Variants in P2RY8 observed in about 807,000 individuals in gnomAD.
P2RY8 encodes the protein P2Y receptor family member 8, also known as S-geranylgeranyl-glutathione receptor P2RY8.
P2RY8 carries 6 observed loss-of-function variants against 10.0 expected under a neutral mutation model. The ratio of observed to expected loss-of-function variants is 0.60; its 90% CI spans 0.33 to 1.19. The LOEUF is 1.19. Among genes scored for constraint, P2RY8 ranks in the 50% most tolerant of loss-of-function variants. P2RY8 has a pLI of 0.04. For missense variants in P2RY8, 456 were observed against 542.0 expected (o/e 0.84, Z 1.58); for synonymous variants, 276 against 252.5 (o/e 1.09, Z -0.88).
intron 1 of P2RY8, among the ~76,000 whole-genome samples, chrX:1,477,832 G>A (rs1417249443): frequency 1.3e-5 from 2 of 152,174 alleles, no homozygotes; most frequent in South Asian, 2.1e-4. Context: ...TCCAAAGAAT[G>A]TCTGCAAGAG....
intron 1 of P2RY8, among the ~76,000 whole-genome samples, chrX:1,513,283 G>C (rs1340268512): frequency 6.6e-6 from 1 of 151,310 alleles, no homozygotes; most frequent in Non-Finnish European, 1.5e-5. Context: ...ATGGGCATTT[G>C]GATTGGTCCC....
Position 1,464,599 on chromosome X carries a change from G to A in P2RY8, c.*880C>T. 1 of 233,410 alleles carries A rather than the reference G, an allele frequency of 4.3e-6. No homozygotes were observed. Among genetic ancestry groups the A allele is most frequent in the African/African-American group, 2.2e-5 (1 of 45,466 alleles). The allele number at this position is 233,410 out of a possible 1,614,324, so 14.5% of individuals were successfully genotyped here. A position where few individuals can be genotyped will look rare whatever the true frequency, so the allele number is the denominator to read the frequency against. Reference sequence around the variant, plus strand: ...GGGATGGGCTGGACCCCATCTCACGGAGCCTCCTTTCCGCACCTGGGCCTC... The same window carrying A: ...GGGATGGGCTGGACCCCATCTCACGAAGCCTCCTTTCCGCACCTGGGCCTC... On this transcript the variant is annotated 3_prime_UTR_variant, in exon 2 of 2. Transcript: ENST00000381297.
chrX:1,477,854 G>C (rs1315722929), intron 1 of P2RY8, among the ~76,000 whole-genome samples: 1 of 152,208 alleles, frequency 6.6e-6, no homozygotes, highest in Non-Finnish European at 1.5e-5. Flanking sequence ...CTTTCGGGGA[G>C]AGAAAAGACC....
chrX:1,473,336 G>A (rs193283029), intron 1 of P2RY8, among the ~76,000 whole-genome samples: 1 of 143,316 alleles, frequency 7.0e-6, no homozygotes, highest in African/African-American at 2.6e-5. Context: ...ATGGATGCAT[G>A]GGTGGATGAA....
In P2RY8 at chrX:1,524,349, TCATCCATC is replaced by T. The variant is rs201531685; in HGVS notation, c.-25+12564_-25+12571del. Among the ~76,000 whole-genome samples the T allele has an allele frequency of 1.3e-4, 17 of 130,872 alleles. 1 individual carries two copies. The highest frequency in any genetic ancestry group is 4.5e-4 in the African/African-American group (15 of 33,612). 85.9% of individuals were successfully genotyped at this position (130,872 alleles called of 152,430 possible). On this transcript the variant is annotated intron_variant, in intron 1 of 1. Transcript: ENST00000381297. ...CTCATCCATCCATGCATCCATCCAT[TCATCCATC>T]CATCCATCCATCCACTCATCCATCC... is the stretch of plus-strand genomic sequence containing the variant.
chrX:1,496,494 A>G (rs5989763), intron 1 of P2RY8, among the ~76,000 whole-genome samples: 74,401 of 151,522 alleles, frequency 0.49, 18,754 homozygotes, highest in East Asian at 0.62. Flanking sequence ...CGCTCAGTTC[A>G]CAGGAAGCAA....
chrX:1,508,120 A>G (rs1265411441), intron 1 of P2RY8, among the ~76,000 whole-genome samples: 2 of 152,186 alleles, frequency 1.3e-5, no homozygotes, highest in Admixed American at 6.5e-5. Context: ...AGGTCACATA[A>G]GATTCCTCAC....
chrX:1,483,625 A>G (rs5989748), intron 1 of P2RY8, among the ~76,000 whole-genome samples: 12,821 of 151,700 alleles, frequency 0.085, 952 homozygotes, highest in African/African-American at 0.2. Flanking sequence ...CAAGAACAAA[A>G]CTTTGTCTAA....
chrX:1,535,418 C>G (rs1404702623), intron 1 of P2RY8, among the ~76,000 whole-genome samples: 1 of 151,666 alleles, frequency 6.6e-6, no homozygotes, highest in Non-Finnish European at 1.5e-5. Context: ...AAACCCCTGA[C>G]CTCAAGTGAT....
At chrX:1,479,649 C>G (rs1480493400) in intron 1 of P2RY8, among the ~76,000 whole-genome samples, 17 of 152,028 alleles carry the variant, frequency 1.1e-4, no homozygotes, top group African/African-American at 4.1e-4. Flanking sequence ...CCATAGAGGA[C>G]AGAAATCAGT....
intron 1 of P2RY8, among the ~76,000 whole-genome samples, chrX:1,487,060 C>T (rs1382537610): frequency 4.6e-5 from 7 of 152,208 alleles, no homozygotes; most frequent in Non-Finnish European, 7.3e-5. Context: ...TGTCTGGGGC[C>T]GGCTGCGCAA....
At chrX:1,487,877 G>A (rs867877990) in intron 1 of P2RY8, among the ~76,000 whole-genome samples, 2 of 152,146 alleles carry the variant, frequency 1.3e-5, no homozygotes, top group South Asian at 2.1e-4. Context: ...TTGGGAGGCC[G>A]AGGCGGGTGG....
At chrX:1,469,469 G>T (rs2091754386) in intron 1 of P2RY8, among the ~76,000 whole-genome samples, 2 of 151,980 alleles carry the variant, frequency 1.3e-5, no homozygotes, top group Admixed American at 6.6e-5. Context: ...ACCTGGCCAG[G>T]TTGGACCCTT....
chrX:1,501,931 G>C (rs2092184595), intron 1 of P2RY8, among the ~76,000 whole-genome samples: 2 of 150,644 alleles, frequency 1.3e-5, no homozygotes, highest in Admixed American at 1.3e-4. Context: ...TATTTTTTGA[G>C]ACGAAATCTC....
chrX:1,467,947 G>A lies in P2RY8; in HGVS notation c.-24-1365C>T, dbSNP rs1378531889. Among the ~76,000 whole-genome samples, 163 of 151,468 alleles carry A rather than the reference G, an allele frequency of 1.1e-3. 1 individual carries two copies. Among genetic ancestry groups the A allele is most frequent in the Non-Finnish European group, 1.9e-3 (126 of 67,884 alleles). ...TCCTGCCTCAGCCTCCTGAGTAGCT[G>A]GGACTACAGGTGACAGTACCTCCGT... On this transcript the variant is annotated intron_variant, in intron 1 of 1. Transcript: ENST00000381297.
chrX:1,485,658 T>A (rs1257090435), intron 1 of P2RY8, among the ~76,000 whole-genome samples: 1 of 148,026 alleles, frequency 6.8e-6, no homozygotes, highest in Non-Finnish European at 1.5e-5. Flanking sequence ...ATATATATTA[T>A]TGTTATATAA....
intron 1 of P2RY8, among the ~76,000 whole-genome samples, chrX:1,468,319 G>A (rs28391357): frequency 0.58 from 88,247 of 151,982 alleles, 25,827 homozygotes; most frequent in African/African-American, 0.6. Context: ...AAGTCCTACG[G>A]TGGCGGCCTC....
At chrX:1,523,849 AATTTTGT>A (rs2092410423) in intron 1 of P2RY8, among the ~76,000 whole-genome samples, 2 of 151,936 alleles carry the variant, frequency 1.3e-5, no homozygotes, top group Admixed American at 1.3e-4. Flanking sequence ...ACGCCCGGCT[AATTTTGT>A]ATTTTTAGTA....
At chrX:1,470,022 A>G (rs2091763921) in intron 1 of P2RY8, among the ~76,000 whole-genome samples, 1 of 152,166 alleles carries the variant, frequency 6.6e-6, no homozygotes, top group African/African-American at 2.4e-5. Flanking sequence ...ATGTGCAAAC[A>G]ACACCATAAT....
Sources: allele counts gnomAD v4.1 joint callset (sites outside exome capture counted in the v4.1 genomes callset), GRCh38; gene constraint gnomAD v4.1.1; transcripts MANE v1.5; gene names NCBI Gene and HGNC (gene_info 2026-07-23, HGNC 2026-07-21).